Variants in TTC39B observed in about 807,000 individuals in gnomAD.
The protein encoded by TTC39B is tetratricopeptide repeat domain 39B.
TTC39B carries 92 observed loss-of-function variants against 96.6 expected under a neutral mutation model. The observed-to-expected ratio is 0.95, with a 90% CI of 0.80 to 1.13. The LOEUF is 1.13. TTC39B is among the 50% of genes most tolerant of loss of function. TTC39B has a pLI of 0.00. For missense variants in TTC39B, 955 were observed against 809.3 expected (o/e 1.18, Z -2.18); for synonymous variants, 367 against 299.4 (o/e 1.23, Z -2.33).
exon 20 of TTC39B, chr9:15,167,028 A>ATATATATTTTTTT (rs1554758710): frequency 1.8e-4 from 2 of 11,022 alleles, no homozygotes; most frequent in Non-Finnish European, 3.1e-4. Flanking sequence ...ATATATATAT[A>ATATATATTTTTTT]TTTTTTTTTT....
intron 8 of TTC39B, among the ~76,000 whole-genome samples, chr9:15,196,996 C>T (rs1339365352): frequency 2.0e-5 from 3 of 152,224 alleles, no homozygotes; most frequent in African/African-American, 7.2e-5. Flanking sequence ...TTATGACTTG[C>T]TGAAGGCTGA....
At chr9:15,236,990 ATG>A (rs1440323475) in intron 2 of TTC39B, among the ~76,000 whole-genome samples, 1 of 150,794 alleles carries the variant, frequency 6.6e-6, no homozygotes, top group Non-Finnish European at 1.5e-5. Context: ...ACAAAACTAA[ATG>A]AGATTGAGAC....
chr9:15,266,724 C>A (rs1469870774), intron 2 of TTC39B, among the ~76,000 whole-genome samples: 1 of 152,014 alleles, frequency 6.6e-6, no homozygotes, highest in Admixed American at 6.5e-5. Context: ...CTTTGGGAGA[C>A]AATCGGATTT....
Position 15,166,997 on chromosome 9 carries a change from TA to T in TTC39B, c.*5021del, listed in dbSNP as rs1817532999. 2.0e-3 allele frequency: 11 copies of T among 5,560 alleles called. 1 individual carries two copies. Among genetic ancestry groups the T allele is most frequent in the African/African-American group, 3.9e-3 (5 of 1,286 alleles). 0.3% of individuals were successfully genotyped at this position (5,560 alleles called of 1,614,324 possible). A position where few individuals can be genotyped will look rare whatever the true frequency, so the allele number is the denominator to read the frequency against. ...AACCTTTATTTTATATATATATATA[TA>T]TATATATATATATATATATATATAT... On this transcript the variant is annotated 3_prime_UTR_variant, in exon 20 of 20. Transcript: ENST00000512701.
intron 16 of TTC39B, among the ~76,000 whole-genome samples, chr9:15,182,657 C>G (rs1818309767): frequency 6.6e-6 from 1 of 152,038 alleles, no homozygotes; most frequent in South Asian, 2.1e-4. Flanking sequence ...GCATTTAATT[C>G]TTTTGGAAGG....
chr9:15,246,598 G>T (rs1257473276), intron 2 of TTC39B, among the ~76,000 whole-genome samples: 2 of 152,208 alleles, frequency 1.3e-5, no homozygotes, highest in African/African-American at 4.8e-5. Flanking sequence ...TTAGTTTGGG[G>T]TCCAAATCTT....
At chr9:15,282,556 TA>T (rs1322801752) in intron 1 of TTC39B, among the ~76,000 whole-genome samples, 1 of 152,204 alleles carries the variant, frequency 6.6e-6, no homozygotes, top group Non-Finnish European at 1.5e-5. Context: ...GAAAAATAAA[TA>T]ATTCTAAAAT....
chr9:15,243,073 A>AGGATGGG (rs1822115560), intron 2 of TTC39B, among the ~76,000 whole-genome samples: 1 of 152,210 alleles, frequency 6.6e-6, no homozygotes, highest in Non-Finnish European at 1.5e-5. Flanking sequence ...CAAAGACAAC[A>AGGATGGG]GGATGGGGCC....
chr9:15,282,447 C>A (rs1473106495), intron 1 of TTC39B, among the ~76,000 whole-genome samples: 2 of 152,188 alleles, frequency 1.3e-5, no homozygotes, highest in Non-Finnish European at 2.9e-5. Context: ...ATTTATAAAA[C>A]TTAATCTTAA....
intron 1 of TTC39B, among the ~76,000 whole-genome samples, chr9:15,282,324 C>T (rs996036554): frequency 1.4e-4 from 21 of 152,046 alleles, no homozygotes; most frequent in African/African-American, 5.1e-4. Flanking sequence ...TCTGGTAAAA[C>T]AAATGCAGTA....
At chr9:15,172,935 T>C (rs1054935406) in intron 19 of TTC39B, among the ~76,000 whole-genome samples, 44 of 152,180 alleles carry the variant, frequency 2.9e-4, no homozygotes, top group African/African-American at 1.2e-4. Context: ...ACAGATGGAA[T>C]TGAGTATTTT....
At chr9:15,230,986 GAA>G (rs36097997) in intron 2 of TTC39B, among the ~76,000 whole-genome samples, 9 of 141,500 alleles carry the variant, frequency 6.4e-5, no homozygotes, top group East Asian at 6.0e-4. Flanking sequence ...CTCCATCTCA[GAA>G]AAAAAAAAAA....
At chr9:15,186,472 A>G (rs1818530151) in intron 15 of TTC39B, 2 of 152,902 alleles carry the variant, frequency 1.3e-5, no homozygotes, top group African/African-American at 2.4e-5. Context: ...TCTCCTGAAA[A>G]TAAAAATGAT....
In TTC39B at chr9:15,190,693, G is replaced by A. The variant is rs763270550; in HGVS notation, c.997-31C>T. On this transcript the variant is annotated intron_variant, in intron 10 of 19. Transcript: ENST00000512701. Reference sequence around the variant, plus strand: ...GGAATTAAATGCATTTTTAGAAAGAGAACAAGACTGGAAAATCATATTCAG... The same window carrying A: ...GGAATTAAATGCATTTTTAGAAAGAAAACAAGACTGGAAAATCATATTCAG... The A allele has an allele frequency of 8.4e-6, 13 of 1,541,826 alleles. No individual in the cohort carries two copies. In the South Asian group the frequency reaches 1.5e-4, roughly 17 times the overall value.
At chr9:15,234,893 G>A (rs1476575375) in intron 2 of TTC39B, among the ~76,000 whole-genome samples, 1 of 151,816 alleles carries the variant, frequency 6.6e-6, no homozygotes, top group African/African-American at 2.4e-5. Flanking sequence ...CAAACACTGC[G>A]GAAGGCCGCA....
intron 3 of TTC39B, among the ~76,000 whole-genome samples, chr9:15,222,851 T>G (rs1820922937): frequency 6.6e-6 from 1 of 152,214 alleles, no homozygotes; most frequent in African/African-American, 2.4e-5. Context: ...GTAAATTGAG[T>G]AACCTTGTGT....
rs766847574 is a variant in TTC39B at position 15,192,605 on chromosome 9, A to C, written c.915T>G (p.Ser305Arg). The change falls in exon 9 of 20, where the codon AGT (serine) becomes AGG (arginine). Residue 305 changes from serine to arginine, a missense_variant. Physicochemically the swap from Ser to Arg is moderately radical, Grantham distance 110. Coordinates refer to ENST00000512701, the Ensembl canonical transcript of TTC39B. ...ATTTCCTTACCAAATTAAAGGCCCC[A>C]CTGCCAAGCTTGACACCCCCTTCAA... The C allele has an allele frequency of 1.9e-6, 3 of 1,613,838 alleles. No individual in the cohort carries two copies. The South Asian group carries it at 3.3e-5, about 18-fold the overall frequency.
chr9:15,216,846 A>C (rs989137952), intron 3 of TTC39B, among the ~76,000 whole-genome samples: 4 of 152,242 alleles, frequency 2.6e-5, no homozygotes, highest in African/African-American at 9.6e-5. Flanking sequence ...ATTCTACTGG[A>C]GAAGGGAAGA....
chr9:15,217,522 G>T (rs1471445667), intron 3 of TTC39B, among the ~76,000 whole-genome samples: 1 of 152,020 alleles, frequency 6.6e-6, no homozygotes, highest in Non-Finnish European at 1.5e-5. Flanking sequence ...AGCACACTAG[G>T]GCTACCATGG....
Sources: allele counts gnomAD v4.1 joint callset (sites outside exome capture counted in the v4.1 genomes callset), GRCh38; gene constraint gnomAD v4.1.1; transcripts MANE v1.5; gene names NCBI Gene and HGNC (gene_info 2026-07-23, HGNC 2026-07-21).